STAC: variants seen among roughly 807,000 people sequenced by gnomAD.
STAC encodes SH3 and cysteine rich domain.
In STAC, 43 loss-of-function variants were observed where a neutral mutation model predicts 48.8. The ratio of observed to expected loss-of-function variants is 0.88; its 90% CI spans 0.69 to 1.14. The LOEUF is 1.14. Ranked by LOEUF, STAC falls within the 50% of genes most tolerant of loss-of-function variation. The pLI, the probability that STAC is intolerant of heterozygous loss-of-function variation, is 0.00. For synonymous variants in STAC, 193 were observed against 179.5 expected, an observed-to-expected ratio of 1.07 and a Z score of -0.60; for missense variants, 497 against 504.0, an observed-to-expected ratio of 0.99 and a Z score of 0.13.
intron 1 of STAC, among the ~76,000 whole-genome samples, chr3:36,420,376 T>C (rs993338336): frequency 6.6e-6 from 1 of 152,184 alleles, no homozygotes; most frequent in East Asian, 1.9e-4. Flanking sequence ...GCTTTTCTAA[T>C]AGTAAGCATT....
intron 8 of STAC, among the ~76,000 whole-genome samples, chr3:36,527,488 T>C (rs1698962349): frequency 6.6e-6 from 1 of 151,926 alleles, no homozygotes; most frequent in African/African-American, 2.4e-5. Flanking sequence ...TGATAAATAA[T>C]AGAAGACAAG....
intron 10 of STAC, among the ~76,000 whole-genome samples, chr3:36,544,526 C>A (rs1451614286): frequency 6.6e-6 from 1 of 151,956 alleles, no homozygotes; most frequent in African/African-American, 2.4e-5. Flanking sequence ...TGTGGAGGTA[C>A]AAGTTTTCAT....
chr3:36,440,223 C>T (rs1696304413), intron 1 of STAC, among the ~76,000 whole-genome samples: 1 of 152,206 alleles, frequency 6.6e-6, no homozygotes, highest in South Asian at 2.1e-4. Context: ...TACAATCCCA[C>T]CACATGCATA....
intron 1 of STAC, among the ~76,000 whole-genome samples, chr3:36,431,497 G>A (rs1700703857): frequency 6.6e-6 from 1 of 152,180 alleles, no homozygotes; most frequent in Non-Finnish European, 1.5e-5. Context: ...ACCTGGGCAG[G>A]CAGGGGCTCT....
Position 36,504,417 on chromosome 3 carries a change from C to G in STAC, c.791C>G (p.Thr264Ser). ...GTGTTTACATATCCAGAAAATGGCA[C>G]TGATGATTTCAGAGATCCAGCGAAG... ...NSVFTYPENG[T>S]DDFRDPAKNI... Residue 264 changes from threonine (T) to serine (S), a missense_variant, in exon 7 of 11, where the codon ACT becomes AGT. Transcript: ENST00000273183. 6.2e-7 allele frequency: 1 copy of G among 1,613,554 alleles called. No homozygotes were observed. Among genetic ancestry groups the G allele is most frequent in the Non-Finnish European group, 8.5e-7 (1 of 1,179,696 alleles).
intron 1 of STAC, among the ~76,000 whole-genome samples, chr3:36,418,173 T>G (rs1345055474): frequency 6.6e-6 from 1 of 152,178 alleles, no homozygotes; most frequent in Non-Finnish European, 1.5e-5. Flanking sequence ...TCTTAGGCCT[T>G]CCTTTGTTTT....
At chr3:36,436,485 TA>T (rs1435759229) in intron 1 of STAC, among the ~76,000 whole-genome samples, 1 of 152,320 alleles carries the variant, frequency 6.6e-6, no homozygotes, top group Admixed American at 6.5e-5. Context: ...CCATCGTTCT[TA>T]ACCAGACGCA....
intron 2 of STAC, chr3:36,459,204 T>C (rs1375835633): frequency 6.6e-6 from 1 of 152,172 alleles, no homozygotes; most frequent in African/African-American, 2.4e-5. Flanking sequence ...TTTCTTTTTT[T>C]CCCCACAGAT....
At chr3:36,487,602 A>G (rs1697848427) in intron 5 of STAC, among the ~76,000 whole-genome samples, 1 of 152,226 alleles carries the variant, frequency 6.6e-6, no homozygotes, top group African/African-American at 2.4e-5. Context: ...TTATTTCTGA[A>G]GACCAAACCA....
At chr3:36,430,432 A>G (rs1575193406) in intron 1 of STAC, among the ~76,000 whole-genome samples, 1 of 152,222 alleles carries the variant, frequency 6.6e-6, no homozygotes, top group Non-Finnish European at 1.5e-5. Flanking sequence ...CTCCAGGAAC[A>G]TATCTGAGAG....
At chr3:36,426,711 T>A (rs538042425) in intron 1 of STAC, among the ~76,000 whole-genome samples, 1 of 152,184 alleles carries the variant, frequency 6.6e-6, no homozygotes, top group Admixed American at 6.5e-5. Flanking sequence ...TCAAATTCTA[T>A]AACGTATATG....
chr3:36,528,204 C>T (rs1405864711), intron 8 of STAC, among the ~76,000 whole-genome samples: 1 of 152,158 alleles, frequency 6.6e-6, no homozygotes, highest in Non-Finnish European at 1.5e-5. Flanking sequence ...GGCTGGATGA[C>T]TCACGCCTGT....
rs541572410 is a variant in STAC at position 36,528,901 on chromosome 3, A to G, written c.1026A>G (p.Leu342=). ...GFFPANFVQR[L]QQNEKIFRCV... ...TTCCAGCCAACTTTGTTCAGAGACTACAACAAAATGAGAAGATTTTTAGAT... is the reference window on the plus strand; with the variant it reads ...TTCCAGCCAACTTTGTTCAGAGACTGCAACAAAATGAGAAGATTTTTAGAT... The change falls in exon 10 of 11, where the codon CTA becomes CTG. Residue 342 remains leucine (L), a synonymous_variant. Coordinates refer to ENST00000273183, the MANE Select transcript of STAC (RefSeq NM_003149.3). 13 of 1,613,708 alleles carry G rather than the reference A, an allele frequency of 8.1e-6. No homozygotes were observed. The highest frequency in any genetic ancestry group is 1.1e-5 in the Non-Finnish European group (13 of 1,179,880).
At chr3:36,519,580 C>G (rs910706697) in intron 8 of STAC, among the ~76,000 whole-genome samples, 1 of 152,180 alleles carries the variant, frequency 6.6e-6, no homozygotes. Context: ...TTTGGCCCCT[C>G]ACATCACTTA....
intron 2 of STAC, among the ~76,000 whole-genome samples, chr3:36,474,796 T>A (rs912769713): frequency 3.3e-5 from 5 of 152,244 alleles, no homozygotes; most frequent in African/African-American, 1.2e-4. Flanking sequence ...ATAATAATAT[T>A]TTAACTATAA....
intron 6 of STAC, among the ~76,000 whole-genome samples, chr3:36,495,565 C>T (rs1698129711): frequency 6.6e-6 from 1 of 152,230 alleles, no homozygotes; most frequent in Admixed American, 6.5e-5. Context: ...AAATTATGCC[C>T]AGCATGTGCT....
At chr3:36,458,726 T>C (rs1412788828) in intron 2 of STAC, among the ~76,000 whole-genome samples, 2 of 152,234 alleles carry the variant, frequency 1.3e-5, no homozygotes, top group Admixed American at 6.5e-5. Context: ...CTTCTAAAGC[T>C]GCACCTCAAT....
intron 1 of STAC, among the ~76,000 whole-genome samples, chr3:36,403,278 A>C (rs911214803): frequency 7.9e-5 from 12 of 152,218 alleles, no homozygotes; most frequent in African/African-American, 2.2e-4. Flanking sequence ...ATGAAAGATA[A>C]AGTTGGAAAA....
chr3:36,450,497 G>GATAT (rs1424244740), intron 2 of STAC, among the ~76,000 whole-genome samples: 3 of 152,128 alleles, frequency 2.0e-5, no homozygotes, highest in African/African-American at 7.2e-5. Flanking sequence ...TCATAATAAG[G>GATAT]ATATCTTCAC....
Sources: allele counts gnomAD v4.1 joint callset (sites outside exome capture counted in the v4.1 genomes callset), GRCh38; gene constraint gnomAD v4.1.1; transcripts MANE v1.5; gene names NCBI Gene and HGNC (gene_info 2026-07-23, HGNC 2026-07-21).